SRGAP3: variants seen among roughly 807,000 people sequenced by gnomAD.
SRGAP3 encodes SLIT-ROBO Rho GTPase activating protein 3.
In SRGAP3, 39 loss-of-function variants were observed where a neutral mutation model predicts 121.1. The observed-to-expected ratio is 0.32, with a 90% confidence interval of 0.25 to 0.42. The LOEUF (loss-of-function observed/expected upper bound fraction) is 0.42. Ranked by LOEUF, SRGAP3 falls within the 10% of genes least tolerant of loss-of-function variation. The pLI, the probability that SRGAP3 is intolerant of heterozygous loss-of-function variation, is 1.00. For missense variants in SRGAP3, 1,213 were observed against 1,470.6 expected (o/e 0.82, Z 2.86); for synonymous variants, 601 against 570.0 (o/e 1.05, Z -0.77).
At chr3:9,084,182 G>A (rs1483400043) in intron 3 of SRGAP3, among the ~76,000 whole-genome samples, 3 of 152,108 alleles carry the variant, frequency 2.0e-5, no homozygotes, top group Non-Finnish European at 4.4e-5. Flanking sequence ...AGGCAAGCTG[G>A]CCTCCCCCAC....
chr3:9,152,243 A>C (rs1950235200), intron 1 of SRGAP3, among the ~76,000 whole-genome samples: 1 of 152,170 alleles, frequency 6.6e-6, no homozygotes, highest in African/African-American at 2.4e-5. Flanking sequence ...CAACCTCTAG[A>C]AAGGGGAAGT....
At chr3:8,994,577 A>C in intron 18 of SRGAP3, 54 bp from the exon 19 acceptor site, 2 of 1,601,148 alleles carry the variant, frequency 1.2e-6, no homozygotes, top group Non-Finnish European at 1.7e-6. Context: ...GTGGCAGCTC[A>C]GGAGCCTCAC....
chr3:9,247,339 C>G (rs1953860317), intron 1 of SRGAP3, among the ~76,000 whole-genome samples: 1 of 152,146 alleles, frequency 6.6e-6, no homozygotes. Flanking sequence ...CCACATTGAA[C>G]TGAAAAACCA....
intron 1 of SRGAP3, chr3:9,330,736 T>C (rs1955593001): frequency 6.6e-6 from 1 of 151,966 alleles, no homozygotes; most frequent in South Asian, 2.1e-4. Flanking sequence ...AACAAATTTA[T>C]AGACAAAAAA....
At chr3:9,270,505 C>G (rs373793791) in intron 3 of SRGAP3, among the ~76,000 whole-genome samples, 1 of 152,136 alleles carries the variant, frequency 6.6e-6, no homozygotes, top group Non-Finnish European at 1.5e-5. Context: ...CAAGTGCATA[C>G]GCTTATCAAA....
chr3:9,148,801 A>G (rs1357108152), intron 1 of SRGAP3, among the ~76,000 whole-genome samples: 1 of 152,192 alleles, frequency 6.6e-6, no homozygotes, highest in African/African-American at 2.4e-5. Context: ...TCTGCTTCCC[A>G]TGACACAGCA....
At chr3:9,067,156 T>C (rs556844057) in intron 4 of SRGAP3, among the ~76,000 whole-genome samples, 2 of 152,300 alleles carry the variant, frequency 1.3e-5, no homozygotes, top group Non-Finnish European at 2.9e-5. Flanking sequence ...ACCACCATCA[T>C]CATCATTATT....
intron 18 of SRGAP3, among the ~76,000 whole-genome samples, chr3:8,999,911 G>A (rs1331012004): frequency 6.6e-6 from 1 of 152,158 alleles, no homozygotes; most frequent in African/African-American, 2.4e-5. Flanking sequence ...CAAGCCCCTG[G>A]AAATGGTCCT....
chr3:9,255,245 T>C (rs1954106375), intron 3 of SRGAP3, among the ~76,000 whole-genome samples: 1 of 152,162 alleles, frequency 6.6e-6, no homozygotes, highest in Non-Finnish European at 1.5e-5. Context: ...CAATTAAAGA[T>C]ATAGATATAA....
Position 9,274,151 on chromosome 3 carries a change from G to A in SRGAP3, n.442+51859C>T, listed in dbSNP as rs575992591. Among the ~76,000 whole-genome samples the A allele has an allele frequency of 2.0e-5, 3 of 152,288 alleles. No homozygotes were observed. The East Asian group carries it at 5.8e-4, about 29-fold the overall frequency. On this transcript the variant is annotated intron_variant and non_coding_transcript_variant, in intron 3 of 3. Coordinates refer to the SRGAP3 transcript ENST00000490889. ...CTGGCATCATGTCTGGTACATAGGA[G>A]GTGCCCCAAAAATATGTGACCCAAT...
At chr3:9,301,504 C>T (rs1220039357) in intron 3 of SRGAP3, among the ~76,000 whole-genome samples, 1 of 152,226 alleles carries the variant, frequency 6.6e-6, no homozygotes, top group Non-Finnish European at 1.5e-5. Context: ...CTGTAAAATT[C>T]TCTCTTTTGT....
chr3:9,029,088 C>T (rs1466959160), intron 12 of SRGAP3, among the ~76,000 whole-genome samples: 3 of 152,188 alleles, frequency 2.0e-5, no homozygotes, highest in Non-Finnish European at 4.4e-5. Context: ...TGTCTGCTAC[C>T]TGACATGCTG....
chr3:9,327,209 C>T (rs1253672600), intron 2 of SRGAP3, among the ~76,000 whole-genome samples: 1 of 151,586 alleles, frequency 6.6e-6, no homozygotes, highest in East Asian at 1.9e-4. Context: ...CAATTTTTTT[C>T]TCTGAGTAGA....
intron 1 of SRGAP3, among the ~76,000 whole-genome samples, chr3:9,191,238 TATA>T (rs577385995): frequency 9.2e-4 from 140 of 152,244 alleles, no homozygotes; most frequent in African/African-American, 3.1e-3. Context: ...TCTCCCGGAT[TATA>T]ATGATTCACA....
At chr3:9,264,628 C>A (rs1262089427) in intron 3 of SRGAP3, among the ~76,000 whole-genome samples, 1 of 152,082 alleles carries the variant, frequency 6.6e-6, no homozygotes, top group South Asian at 2.1e-4. Flanking sequence ...ACAATTGCTA[C>A]AAAGGGAATA....
At chr3:9,356,037 A>T (rs1030291330) in intron 1 of SRGAP3, among the ~76,000 whole-genome samples, 1 of 152,174 alleles carries the variant, frequency 6.6e-6, no homozygotes, top group South Asian at 2.1e-4. Flanking sequence ...CAGCTTAAAG[A>T]TCCCACTTCT....
At chr3:9,219,423 C>T (rs1484824870) in intron 1 of SRGAP3, 1 of 152,104 alleles carries the variant, frequency 6.6e-6, no homozygotes, top group Non-Finnish European at 1.5e-5. Context: ...TAAGCCATAA[C>T]ATGTGGCAGG....
chr3:9,169,863 T>C (rs1218283044), intron 1 of SRGAP3, among the ~76,000 whole-genome samples: 1 of 152,162 alleles, frequency 6.6e-6, no homozygotes, highest in Non-Finnish European at 1.5e-5. Flanking sequence ...GCCTTGGAAG[T>C]CAGGGTTCCT....
At chr3:9,125,282 ATACAG>A (rs1949181036) in intron 1 of SRGAP3, among the ~76,000 whole-genome samples, 1 of 152,208 alleles carries the variant, frequency 6.6e-6, no homozygotes, top group South Asian at 2.1e-4. Context: ...GTTTCTATCA[ATACAG>A]TAAAGTGAAA....
Sources: gnomAD v4.1 joint callset for allele counts (sites outside exome capture counted in the v4.1 genomes callset) on GRCh38, gnomAD v4.1.1 for gene constraint, MANE v1.5 for transcripts, NCBI Gene and HGNC (gene_info 2026-07-23, HGNC 2026-07-21) for gene names.